ARHGAP12: variants seen among roughly 807,000 people sequenced by gnomAD.
ARHGAP12 encodes rho GTPase-activating protein 12.
A neutral mutation model predicts 108.6 loss-of-function variants in ARHGAP12; 64 were observed. The observed-to-expected ratio is 0.59, with a 90% confidence interval of 0.48 to 0.73. The LOEUF (loss-of-function observed/expected upper bound fraction) is 0.73, where lower values mean the gene tolerates loss of function less well. Ranked by LOEUF, ARHGAP12 falls within the 30% of genes least tolerant of loss-of-function variation. ARHGAP12 has a pLI of 0.00. For missense variants in ARHGAP12, 940 were observed against 1,005.9 expected, an observed-to-expected ratio of 0.93 and a Z score of 0.89; for synonymous variants, 312 against 337.2, an observed-to-expected ratio of 0.93 and a Z score of 0.82.
At chr10:31,842,163 A>G (rs1489980221) in intron 7 of ARHGAP12, among the ~76,000 whole-genome samples, 1 of 152,122 alleles carries the variant, frequency 6.6e-6, no homozygotes, top group Non-Finnish European at 1.5e-5. Flanking sequence ...TTTAAGCATA[A>G]ATTATCAAAA....
At chr10:31,910,159 T>C (rs1839287463) in intron 2 of ARHGAP12, among the ~76,000 whole-genome samples, 1 of 152,192 alleles carries the variant, frequency 6.6e-6, no homozygotes, top group Non-Finnish European at 1.5e-5. Context: ...AATAACTGTC[T>C]GCTGTTTAAG....
intron 11 of ARHGAP12, 82 bp downstream of exon 11, chr10:31,826,222 G>A (rs942622379): frequency 1.8e-6 from 2 of 1,104,890 alleles, no homozygotes; most frequent in Non-Finnish European, 2.6e-6. Context: ...TAAGGACTCT[G>A]GAAATTACCT....
chr10:31,812,859 A>C lies in ARHGAP12; in HGVS notation c.1835-36T>G, dbSNP rs773384970. 7 of 1,293,070 alleles carry C rather than the reference A, an allele frequency of 5.4e-6. No individual in the cohort carries two copies. The East Asian group carries it at 1.7e-4, about 31-fold the overall frequency. The allele number at this position is 1,293,070 out of a possible 1,614,324, so 80.1% of individuals were successfully genotyped here. On this transcript the variant is annotated intron_variant, in intron 14 of 19. Coordinates refer to ENST00000344936, the MANE Select transcript of ARHGAP12 (RefSeq NM_018287.7). Reference sequence around the variant, plus strand: ...AAAGACAGGTAATGAGCATTTGTAAAAATAAAGTTTTTTTGATACAAGTTT... The same window carrying C: ...AAAGACAGGTAATGAGCATTTGTAACAATAAAGTTTTTTTGATACAAGTTT...
chr10:31,812,278 G>T (rs1200022627), intron 15 of ARHGAP12, among the ~76,000 whole-genome samples: 1 of 151,992 alleles, frequency 6.6e-6, no homozygotes, highest in Middle Eastern at 3.4e-3. Flanking sequence ...AAATTAGTTA[G>T]AAAAAAACAC....
rs74785196 is a variant in ARHGAP12, at chr10:31,889,619, G to T, written c.684+18553C>A. ...TGATTTTCTTTTCTTAATTTTTCTC[G>T]TTTTTTTTTTTTTTTTTTTTTTTTT... On this transcript the variant is annotated intron_variant, in intron 3 of 19. Coordinates refer to ENST00000344936, the MANE Select transcript of ARHGAP12 (RefSeq NM_018287.7). Among the ~76,000 whole-genome samples the T allele has an allele frequency of 8.9e-3, 591 of 66,350 alleles. 5 individuals are homozygous for T. Among genetic ancestry groups the T allele is most frequent in the African/African-American group, 0.033 (507 of 15,592 alleles). 43.5% of individuals were successfully genotyped at this position (66,350 alleles called of 152,430 possible). A position where few individuals can be genotyped will look rare whatever the true frequency, so the allele number is the denominator to read the frequency against.
intron 3 of ARHGAP12, among the ~76,000 whole-genome samples, chr10:31,880,376 G>A (rs1290179318): frequency 6.6e-6 from 1 of 152,160 alleles, no homozygotes; most frequent in East Asian, 1.9e-4. Context: ...TCGGAGGCCA[G>A]GACAGGAGGA....
chr10:31,894,262 A>G (rs1838581217), intron 3 of ARHGAP12, among the ~76,000 whole-genome samples: 1 of 152,208 alleles, frequency 6.6e-6, no homozygotes, highest in South Asian at 2.1e-4. Flanking sequence ...ATCAGGCAGG[A>G]GAAAGAAATA....
intron 1 of ARHGAP12, among the ~76,000 whole-genome samples, chr10:31,918,961 A>G (rs1839678312): frequency 1.3e-5 from 2 of 152,256 alleles, no homozygotes; most frequent in African/African-American, 4.8e-5. Flanking sequence ...ATTAATCACA[A>G]TAGTCAAAAA....
At position 31,807,835 on chromosome 10, in the gene ARHGAP12, G is replaced by A; in HGVS notation, c.2367-3C>T. Reference sequence around the variant, plus strand: ...TTTTCTCTCCATTTTCTATAACTCTGAAGGGAAAAAAAGAAGTTGTTAAAA... The same window carrying A: ...TTTTCTCTCCATTTTCTATAACTCTAAAGGGAAAAAAAGAAGTTGTTAAAA... On this transcript the variant is annotated splice_polypyrimidine_tract_variant and splice_region_variant and intron_variant, in intron 19 of 19. Transcript: ENST00000344936. The A allele has an allele frequency of 2.0e-6, 3 of 1,498,376 alleles. No individual in the cohort carries two copies. Among genetic ancestry groups the A allele is most frequent in the Non-Finnish European group, 2.7e-6 (3 of 1,121,796 alleles). 92.8% of individuals were successfully genotyped at this position (1,498,376 alleles called of 1,614,324 possible).
chr10:31,897,838 C>T (rs1838763138), intron 3 of ARHGAP12, among the ~76,000 whole-genome samples: 1 of 152,132 alleles, frequency 6.6e-6, no homozygotes, highest in South Asian at 2.1e-4. Flanking sequence ...AAAATATCTA[C>T]TATTAGGCTG....
chr10:31,840,948 T>G (rs572823783), intron 7 of ARHGAP12, among the ~76,000 whole-genome samples: 112 of 152,194 alleles, frequency 7.4e-4, no homozygotes, highest in South Asian at 2.7e-3. Flanking sequence ...TCTGACAACT[T>G]CAGATCAATT....
intron 18 of ARHGAP12, 68 bp downstream of exon 18, chr10:31,808,926 T>A: frequency 2.1e-6 from 3 of 1,448,460 alleles, no homozygotes; most frequent in African/African-American, 1.4e-5. Context: ...ATAAAAAAAA[T>A]TGGGTGGCTT....
intron 16 of ARHGAP12, chr10:31,809,776 A>G (rs565396607): frequency 1.3e-5 from 2 of 152,512 alleles, no homozygotes; most frequent in South Asian, 2.1e-4. Flanking sequence ...CACTAAATTA[A>G]TGGTTCTATA....
At chr10:31,886,444 T>TATA (rs1214989658) in intron 3 of ARHGAP12, among the ~76,000 whole-genome samples, 1 of 152,144 alleles carries the variant, frequency 6.6e-6, no homozygotes, top group East Asian at 1.9e-4. Context: ...ACTTTGGCCT[T>TATA]TAAATATAAC....
intron 3 of ARHGAP12, among the ~76,000 whole-genome samples, chr10:31,905,458 G>A (rs1839095835): frequency 1.3e-5 from 2 of 152,174 alleles, no homozygotes. Flanking sequence ...TTTGGGTGGT[G>A]TGGTGGAGCC....
At chr10:31,919,657 G>A (rs1415687626) in intron 1 of ARHGAP12, among the ~76,000 whole-genome samples, 1 of 152,038 alleles carries the variant, frequency 6.6e-6, no homozygotes, top group Non-Finnish European at 1.5e-5. Flanking sequence ...TGGGCATGGT[G>A]GTGGGTACCT....
At chr10:31,824,511 A>T (rs1222663268) in intron 11 of ARHGAP12, among the ~76,000 whole-genome samples, 1 of 152,146 alleles carries the variant, frequency 6.6e-6, no homozygotes, top group Non-Finnish European at 1.5e-5. Flanking sequence ...GATAAACAGA[A>T]ATACCTCACC....
At chr10:31,923,754 G>A (rs1302141319) in intron 1 of ARHGAP12, among the ~76,000 whole-genome samples, 1 of 152,140 alleles carries the variant, frequency 6.6e-6, no homozygotes, top group Non-Finnish European at 1.5e-5. Context: ...AATTGATAGT[G>A]ACAGAAAGCA....
intron 12 of ARHGAP12, 65 bp from the exon 13 acceptor site, chr10:31,817,951 T>C (rs2132160762): frequency 4.4e-6 from 5 of 1,144,126 alleles, no homozygotes; most frequent in Non-Finnish European, 5.2e-6. Flanking sequence ...AATACATGAA[T>C]ACCTTTAATT....
Sources: gnomAD v4.1 joint callset for allele counts (sites outside exome capture counted in the v4.1 genomes callset) on GRCh38, gnomAD v4.1.1 for gene constraint, MANE v1.5 for transcripts, NCBI Gene and HGNC (gene_info 2026-07-23, HGNC 2026-07-21) for gene names.